The following LRRC7 variants were observed in gnomAD, a reference collection of about 807,000 sequenced individuals.
The protein encoded by LRRC7 is leucine rich repeat containing 7.
LRRC7 carries 23 observed loss-of-function variants against 175.7 expected under a neutral mutation model. The observed-to-expected ratio is 0.13, with a 90% CI of 0.09 to 0.19. The LOEUF (loss-of-function observed/expected upper bound fraction) is 0.19. Ranked by LOEUF, LRRC7 falls within the 10% of genes least tolerant of loss-of-function variation. The pLI, the probability that LRRC7 is intolerant of heterozygous loss-of-function variation, is 1.00. For synonymous variants in LRRC7, 685 were observed against 680.9 expected (o/e 1.01, Z -0.09); for missense variants, 1,354 against 1,904.7 (o/e 0.71, Z 5.38).
At chr1:69,673,617 G>C (rs113983440) in intron 1 of LRRC7, among the ~76,000 whole-genome samples, 1,919 of 152,266 alleles carry the variant, frequency 0.013, 23 homozygotes, top group Non-Finnish European at 0.021. Context: ...GATAATGGTG[G>C]TGAAAGAGTT....
intron 7 of LRRC7, among the ~76,000 whole-genome samples, chr1:69,855,484 T>G (rs190171078): frequency 6.6e-6 from 1 of 152,320 alleles, no homozygotes; most frequent in African/African-American, 2.4e-5. Flanking sequence ...CACTGTGGTT[T>G]GAGGGACAGT....
At chr1:69,600,862 A>G (rs1324646955) in intron 1 of LRRC7, among the ~76,000 whole-genome samples, 1 of 113,230 alleles carries the variant, frequency 8.8e-6, no homozygotes, top group Non-Finnish European at 1.6e-5. Context: ...CTCAGGCTGG[A>G]GTGCAATCGC....
intron 1 of LRRC7, among the ~76,000 whole-genome samples, chr1:69,642,854 A>AGATAGATT (rs1459856598): frequency 4.6e-5 from 7 of 151,338 alleles, no homozygotes; most frequent in African/African-American, 9.7e-5. Context: ...ATAGATAGAT[A>AGATAGATT]GATTATACGA....
chr1:69,745,129 G>C (rs1000270580), intron 2 of LRRC7, among the ~76,000 whole-genome samples: 5 of 151,872 alleles, frequency 3.3e-5, no homozygotes, highest in Non-Finnish European at 7.4e-5. Context: ...AGATGATCTT[G>C]TTCAAGATAT....
chr1:70,036,833 G>A (rs771109447), intron 20 of LRRC7, among the ~76,000 whole-genome samples: 1 of 151,992 alleles, frequency 6.6e-6, no homozygotes, highest in Non-Finnish European at 1.5e-5. Context: ...GGAAGACATG[G>A]TAGGAGTTAA....
intron 1 of LRRC7, among the ~76,000 whole-genome samples, chr1:69,580,837 T>C (rs1646170249): frequency 6.6e-6 from 1 of 152,120 alleles, no homozygotes; most frequent in African/African-American, 2.4e-5. Context: ...TGATAAAAGC[T>C]AAGAAGAAAA....
At chr1:69,717,963 A>C (rs970340720) in intron 2 of LRRC7, among the ~76,000 whole-genome samples, 1 of 54,004 alleles carries the variant, frequency 1.9e-5, no homozygotes, top group African/African-American at 1.7e-4. Flanking sequence ...AAAGAAGAAA[A>C]AGAAAGAAAG....
At chr1:70,046,355 G>T (rs1172663296) in intron 22 of LRRC7, among the ~76,000 whole-genome samples, 1 of 152,050 alleles carries the variant, frequency 6.6e-6, no homozygotes, top group Non-Finnish European at 1.5e-5. Flanking sequence ...ATAATACAGA[G>T]TTATATTTGG....
chr1:69,720,808 A>T (rs1666264230), intron 2 of LRRC7, among the ~76,000 whole-genome samples: 1 of 151,712 alleles, frequency 6.6e-6, no homozygotes, highest in South Asian at 2.1e-4. Flanking sequence ...TTTATTGTTT[A>T]AATAATGTTT....
intron 7 of LRRC7, among the ~76,000 whole-genome samples, chr1:69,924,251 T>C (rs1194698334): frequency 2.6e-5 from 4 of 152,136 alleles, no homozygotes; most frequent in African/African-American, 9.7e-5. Context: ...CCTCCAGCTT[T>C]GTTCTTTTGG....
chr1:69,741,000 G>A (rs911777541), intron 2 of LRRC7, among the ~76,000 whole-genome samples: 12 of 151,636 alleles, frequency 7.9e-5, no homozygotes, highest in Non-Finnish European at 1.5e-4. Context: ...AATAAATAAC[G>A]AATATTTATT....
At position 69,931,583 on chromosome 1, in the gene LRRC7, A is replaced by C. The variant is rs780030910; in HGVS notation, c.711+13A>C. 6 of 1,607,480 alleles carry C rather than the reference A, an allele frequency of 3.7e-6. No homozygotes were observed. Among genetic ancestry groups the C allele is most frequent in the Non-Finnish European group, 5.1e-6 (6 of 1,174,266 alleles). ...ATTCGGTGAGCTGGTAAGCAAATGCATTTTCTAAACCTGATAAATACCCTT... is the reference window on the plus strand; with the variant it reads ...ATTCGGTGAGCTGGTAAGCAAATGCCTTTTCTAAACCTGATAAATACCCTT... On this transcript the variant is annotated intron_variant, in intron 8 of 26. Coordinates refer to ENST00000651989, the MANE Select transcript of LRRC7 (RefSeq NM_001370785.2).
intron 21 of LRRC7, among the ~76,000 whole-genome samples, chr1:70,042,648 G>C (rs949311679): frequency 1.3e-5 from 2 of 152,176 alleles, no homozygotes; most frequent in African/African-American, 2.4e-5. Flanking sequence ...GAACCCATAT[G>C]TCTGAGACTG....
chr1:69,932,285 TA>T (rs887567044), intron 8 of LRRC7, among the ~76,000 whole-genome samples: 15 of 152,332 alleles, frequency 9.8e-5, no homozygotes, highest in Non-Finnish European at 1.9e-4. Flanking sequence ...ATTTTAAAAT[TA>T]AAAGATTTAA....
chr1:69,961,528 AAACTGGGCAG>A (rs1298596839), intron 8 of LRRC7, among the ~76,000 whole-genome samples: 1 of 152,234 alleles, frequency 6.6e-6, no homozygotes, highest in Non-Finnish European at 1.5e-5. Context: ...AGCCAAGGCC[AAACTGGGCAG>A]AAAGAACAAA....
intron 8 of LRRC7, among the ~76,000 whole-genome samples, chr1:69,939,001 A>C (rs754442434): frequency 1.0e-5 from 1 of 98,140 alleles, no homozygotes; most frequent in Non-Finnish European, 2.2e-5. Flanking sequence ...TAGATTATAT[A>C]TATATATATA....
chr1:70,110,895 A>G (rs1204529088), intron 26 of LRRC7, among the ~76,000 whole-genome samples: 1 of 152,192 alleles, frequency 6.6e-6, no homozygotes, highest in Non-Finnish European at 1.5e-5. Context: ...TTATCTATAT[A>G]TAATACTATT....
intron 1 of LRRC7, among the ~76,000 whole-genome samples, chr1:69,579,464 A>G (rs1646103282): frequency 6.6e-6 from 1 of 152,200 alleles, no homozygotes; most frequent in Non-Finnish European, 1.5e-5. Context: ...TATATGGACC[A>G]TTCATTCATT....
chr1:69,928,200 G>T (rs1570693341), intron 7 of LRRC7, among the ~76,000 whole-genome samples: 1 of 152,160 alleles, frequency 6.6e-6, no homozygotes, highest in Non-Finnish European at 1.5e-5. Flanking sequence ...CGTGTGAGGT[G>T]TCAGTCTGCC....
Sources: allele counts gnomAD v4.1 joint callset (sites outside exome capture counted in the v4.1 genomes callset), GRCh38; gene constraint gnomAD v4.1.1; transcripts MANE v1.5; gene names NCBI Gene and HGNC (gene_info 2026-07-23, HGNC 2026-07-21).